Variants in FOXK2 observed in about 807,000 individuals in gnomAD.
FOXK2 encodes forkhead box protein K2.
FOXK2 carries 24 observed loss-of-function variants against 53.3 expected under a neutral mutation model. The ratio of observed to expected loss-of-function variants is 0.45; its 90% confidence interval spans 0.33 to 0.63. The LOEUF is 0.63. FOXK2 is among the 30% of genes least tolerant of loss of function. The pLI is 0.03. For synonymous variants in FOXK2, 505 were observed against 407.1 expected (o/e 1.24, Z -2.89); for missense variants, 952 against 910.5 (o/e 1.05, Z -0.59).
Position 82,582,920 on chromosome 17 carries a change from AC to A in FOXK2, c.1091del (p.Pro364ArgfsTer73). The A allele has an allele frequency of 6.3e-7, 1 of 1,591,122 alleles. No individual in the cohort carries two copies. Among genetic ancestry groups the A allele is most frequent in the Non-Finnish European group, 8.5e-7 (1 of 1,173,718 alleles). On this transcript the variant is annotated frameshift_variant, in exon 5 of 9. Transcript: ENST00000335255. LOFTEE classifies it high-confidence loss of function. ...TGCCCTGCTTTAGAACCCCTCTGGGACCGCTCTCTTCTAGGTAAGGAAAAAG... is the reference window on the plus strand; with the variant it reads ...TGCCCTGCTTTAGAACCCCTCTGGGACGCTCTCTTCTAGGTAAGGAAAAAG... ...GVPCFRTPLG[P>X]LSSRSAPASP...
chr17:82,601,358 G>A lies in FOXK2; in HGVS notation c.1842G>A (p.Leu614=). 6.2e-7 allele frequency: 1 copy of A among 1,613,360 alleles called. No individual in the cohort carries two copies. The highest frequency in any genetic ancestry group is 8.5e-7 in the Non-Finnish European group (1 of 1,180,024). ...CACACGCATCCGCATCGGCCTCCCTGCCCACAAAGCGCCACAACGGTGACC... is the reference window on the plus strand; with the variant it reads ...CACACGCATCCGCATCGGCCTCCCTACCCACAAAGCGCCACAACGGTGACC... ...LATHASASAS[L]PTKRHNGDQP... Residue 614 remains leucine (L), a synonymous_variant, in exon 9 of 9, where the codon CTG becomes CTA. Transcript: ENST00000335255.
chr17:82,571,230 G>A (rs1211702822), intron 3 of FOXK2, among the ~76,000 whole-genome samples: 1 of 152,170 alleles, frequency 6.6e-6, no homozygotes, highest in African/African-American at 2.4e-5. Context: ...TTTTCCTTAT[G>A]TAATTTTTAA....
At chr17:82,576,443 G>T (rs1452580408) in intron 4 of FOXK2, among the ~76,000 whole-genome samples, 1 of 152,218 alleles carries the variant, frequency 6.6e-6, no homozygotes. Flanking sequence ...AGGAGAAATA[G>T]GTCTAGGAGG....
At position 82,587,278 on chromosome 17, in the gene FOXK2, A is replaced by G. The variant is rs370374737; in HGVS notation, c.1786+6A>G. 165 of 1,610,436 alleles carry G rather than the reference A, an allele frequency of 1.0e-4. No individual in the cohort carries two copies. The highest frequency in any genetic ancestry group is 1.4e-4 in the Non-Finnish European group (160 of 1,178,694). On this transcript the variant is annotated splice_donor_region_variant and intron_variant, in intron 8 of 8. Coordinates refer to ENST00000335255, the MANE Select transcript of FOXK2 (RefSeq NM_004514.4). ...CCACGGCCAGGTGAACAATGGTAAGACATGCTGGTCGGTGGCTCCCCGTGG... is the reference window on the plus strand; with the variant it reads ...CCACGGCCAGGTGAACAATGGTAAGGCATGCTGGTCGGTGGCTCCCCGTGG...
Position 82,584,738 on chromosome 17 carries a change from GT to G in FOXK2, c.1279+553del, listed in dbSNP as rs566481620. 5.3e-5 allele frequency among the ~76,000 whole-genome samples: 8 copies of G among 152,116 alleles called. No individual in the cohort carries two copies. The East Asian group carries it at 1.5e-3, about 29-fold the overall frequency. On this transcript the variant is annotated intron_variant, in intron 6 of 8. Coordinates refer to ENST00000335255, the MANE Select transcript of FOXK2 (RefSeq NM_004514.4). ...TTTTTGTATTTTTAGTAGAGACAGG[GT>G]TTCACCATGTTGGCCAGGATGGTCT...
intron 4 of FOXK2, among the ~76,000 whole-genome samples, chr17:82,580,259 G>A (rs1294643071): frequency 1.4e-5 from 2 of 139,214 alleles, no homozygotes; most frequent in African/African-American, 5.4e-5. Flanking sequence ...CCCATCCACA[G>A]GGCCCAGATC....
At chr17:82,583,299 T>C (rs957585490) in intron 5 of FOXK2, among the ~76,000 whole-genome samples, 1 of 152,154 alleles carries the variant, frequency 6.6e-6, no homozygotes, top group Non-Finnish European at 1.5e-5. Context: ...AATCCCAGCA[T>C]TTTGGGAGGC....
At chr17:82,555,827 G>T (rs1327212273) in intron 1 of FOXK2, among the ~76,000 whole-genome samples, 1 of 140,096 alleles carries the variant, frequency 7.1e-6, no homozygotes, top group Non-Finnish European at 1.5e-5. Context: ...GGCGGAGCTT[G>T]CAGTGAGCCG....
chr17:82,541,740 T>A (rs1199221841), intron 1 of FOXK2, among the ~76,000 whole-genome samples: 1 of 148,472 alleles, frequency 6.7e-6, no homozygotes, highest in Non-Finnish European at 1.5e-5. Flanking sequence ...AGATGGAGTC[T>A]TACTTTGTTG....
Position 82,586,053 on chromosome 17 carries a change from A to T in FOXK2, c.1429A>T (p.Ile477Phe). 1.2e-6 allele frequency: 2 copies of T among 1,612,772 alleles called. No individual in the cohort carries two copies. The highest frequency in any genetic ancestry group is 8.5e-7 in the Non-Finnish European group (1 of 1,179,990). Reference sequence around the variant, plus strand: ...GCAGACGGTTCACGTCGTCCACCAGATCCCAGCGGTGTCGGTCACCAGTGT... The same window carrying T: ...GCAGACGGTTCACGTCGTCCACCAGTTCCCAGCGGTGTCGGTCACCAGTGT... ...VVQTVHVVHQ[I>F]PAVSVTSVAG... Residue 477 changes from isoleucine (I) to phenylalanine (F), a missense_variant, in exon 7 of 9, where the codon ATC (isoleucine) becomes TTC (phenylalanine). Coordinates refer to ENST00000335255, the MANE Select transcript of FOXK2 (RefSeq NM_004514.4).
intron 1 of FOXK2, among the ~76,000 whole-genome samples, chr17:82,553,877 A>T (rs1438942253): frequency 6.6e-6 from 1 of 151,956 alleles, no homozygotes; most frequent in Non-Finnish European, 1.5e-5. Flanking sequence ...CTCTGTTGCC[A>T]GGCTGGAGGG....
intron 6 of FOXK2, among the ~76,000 whole-genome samples, chr17:82,584,812 A>G (rs758584370): frequency 6.6e-6 from 1 of 152,192 alleles, no homozygotes; most frequent in African/African-American, 2.4e-5. Context: ...TTGGCCTCCC[A>G]AAGTGCTGGG....
At chr17:82,556,964 A>G (rs1021151983) in intron 1 of FOXK2, among the ~76,000 whole-genome samples, 3 of 151,804 alleles carry the variant, frequency 2.0e-5, no homozygotes, top group African/African-American at 4.8e-5. Flanking sequence ...CGGCCTCCCA[A>G]AGTGCTGGGA....
At chr17:82,578,149 T>A (rs1425825571) in intron 4 of FOXK2, 2 of 151,872 alleles carry the variant, frequency 1.3e-5, no homozygotes, top group Non-Finnish European at 2.9e-5. Context: ...GTCCTGTTCC[T>A]TCTCCTCAGT....
intron 3 of FOXK2, among the ~76,000 whole-genome samples, chr17:82,568,479 A>G (rs1002290987): frequency 3.9e-5 from 6 of 152,154 alleles, no homozygotes; most frequent in Non-Finnish European, 5.9e-5. Context: ...ATGGAGGAGT[A>G]CCTTGGTCTT....
chr17:82,523,359 C>T (rs940773993), intron 1 of FOXK2, among the ~76,000 whole-genome samples: 2 of 152,026 alleles, frequency 1.3e-5, no homozygotes, highest in Non-Finnish European at 2.9e-5. Flanking sequence ...TTCAGCACTT[C>T]CTTTTTTGTA....
At chr17:82,555,770 C>A (rs2044717839) in intron 1 of FOXK2, among the ~76,000 whole-genome samples, 1 of 150,688 alleles carries the variant, frequency 6.6e-6, no homozygotes, top group Admixed American at 6.6e-5. Flanking sequence ...CGCCTGTAGT[C>A]CCAGCTACTC....
chr17:82,524,092 T>G (rs2044393642), intron 1 of FOXK2, among the ~76,000 whole-genome samples: 1 of 152,030 alleles, frequency 6.6e-6, no homozygotes, highest in East Asian at 1.9e-4. Flanking sequence ...TTTCACCATG[T>G]TGGCCAGGCT....
chr17:82,570,382 G>T (rs185228205), intron 3 of FOXK2, among the ~76,000 whole-genome samples: 1 of 152,320 alleles, frequency 6.6e-6, no homozygotes, highest in Non-Finnish European at 1.5e-5. Context: ...AGTCCCAGCT[G>T]CTGGGGCGGC....
Sources: allele counts gnomAD v4.1 joint callset (sites outside exome capture counted in the v4.1 genomes callset), GRCh38; gene constraint gnomAD v4.1.1; transcripts MANE v1.5; gene names NCBI Gene and HGNC (gene_info 2026-07-23, HGNC 2026-07-21).